Variants in DNAJC1 observed in about 807,000 individuals in gnomAD.
DNAJC1 encodes dnaJ homolog subfamily C member 1.
A neutral mutation model predicts 76.6 loss-of-function variants in DNAJC1; 58 were observed. The observed-to-expected ratio is 0.76, with a 90% CI of 0.61 to 0.94. The LOEUF (loss-of-function observed/expected upper bound fraction) is 0.94. Ranked by LOEUF, DNAJC1 falls within the 40% of genes least tolerant of loss-of-function variation. The probability of loss-of-function intolerance (pLI) is 0.00; values close to 1 mark genes in which losing one functional copy is unlikely to be tolerated. For synonymous variants in DNAJC1, 258 were observed against 267.9 expected (o/e 0.96, Z 0.36); for missense variants, 689 against 677.3 (o/e 1.02, Z -0.19).
chr10:21,852,677 C>T (rs189777104), intron 8 of DNAJC1, among the ~76,000 whole-genome samples: 1 of 151,534 alleles, frequency 6.6e-6, no homozygotes, highest in Non-Finnish European at 1.5e-5. Flanking sequence ...ATTTACCAGA[C>T]GTAAACCATA....
intron 1 of DNAJC1, among the ~76,000 whole-genome samples, chr10:21,981,545 A>G (rs1838158393): frequency 6.6e-6 from 1 of 152,168 alleles, no homozygotes; most frequent in Non-Finnish European, 1.5e-5. Flanking sequence ...CCTAACAGAT[A>G]AGCTCCACAA....
chr10:21,820,310 G>A (rs1835138459), intron 8 of DNAJC1, among the ~76,000 whole-genome samples: 1 of 152,064 alleles, frequency 6.6e-6, no homozygotes, highest in South Asian at 2.1e-4. Context: ...GCCACATTTT[G>A]TCTGTGTTAT....
At chr10:21,860,672 A>C in intron 8 of DNAJC1, 1 of 156,632 alleles carries the variant, frequency 6.4e-6, no homozygotes, top group Non-Finnish European at 1.4e-5. Flanking sequence ...CCAGCCTGGG[A>C]GACATTGTGA....
At chr10:22,002,800 A>G (rs1838542315) in intron 1 of DNAJC1, among the ~76,000 whole-genome samples, 1 of 152,004 alleles carries the variant, frequency 6.6e-6, no homozygotes, top group African/African-American at 2.4e-5. Flanking sequence ...TTAGGGTGAG[A>G]AGCGGCTGCT....
intron 9 of DNAJC1, among the ~76,000 whole-genome samples, chr10:21,784,695 A>G (rs1834582422): frequency 6.6e-6 from 1 of 152,272 alleles, no homozygotes; most frequent in African/African-American, 2.4e-5. Context: ...TGTGGCACAT[A>G]TACACAATGG....
intron 1 of DNAJC1, 78 bp downstream of exon 1, chr10:22,003,135 G>A (rs908063428): frequency 7.3e-7 from 1 of 1,379,048 alleles, no homozygotes; most frequent in African/African-American, 1.5e-5. Flanking sequence ...CTACGTGTCC[G>A]GCTGTCTCTG....
intron 8 of DNAJC1, among the ~76,000 whole-genome samples, chr10:21,828,739 C>T (rs770256787): frequency 6.6e-6 from 1 of 152,222 alleles, no homozygotes; most frequent in Admixed American, 6.5e-5. Flanking sequence ...CTTTTTGAAA[C>T]TCAGTAACAT....
chr10:21,925,205 T>C lies in DNAJC1; in HGVS notation c.371+3301A>G, dbSNP rs534129009. Among the ~76,000 whole-genome samples the C allele has an allele frequency of 9.2e-5, 14 of 152,146 alleles. No homozygotes were observed. In the Middle Eastern group the frequency reaches 0.01, roughly 111 times the overall value. Reference sequence around the variant, plus strand: ...TTTTTTATTTTTTGTAGAGATAGGGTCTAGCTATGTTGCCAGGGCTGGTCT... The same window carrying C: ...TTTTTTATTTTTTGTAGAGATAGGGCCTAGCTATGTTGCCAGGGCTGGTCT... On this transcript the variant is annotated intron_variant, in intron 3 of 11. Transcript: ENST00000376980.
In DNAJC1 at chr10:21,890,202, C is replaced by T. The variant is rs1285843745; in HGVS notation, c.821-7763G>A. On this transcript the variant is annotated intron_variant, in intron 7 of 11. Transcript: ENST00000376980. ...TGGGGGGGGGTGGATGACCTGAGGT[C>T]AGGAGTTCAAGACCAGCCTGGCCAA... Among the ~76,000 whole-genome samples the T allele has an allele frequency of 3.3e-5, 5 of 151,874 alleles. No individual in the cohort carries two copies. The East Asian group carries it at 7.8e-4, about 24-fold the overall frequency.
chr10:22,003,383 C>G lies in DNAJC1; in HGVS notation c.52G>C (p.Gly18Arg), dbSNP rs985117082. ...PAQLPGRRQL[G>R]LVPFPPPPPR... ...GGCGGCGGCGGGAACGGCACCAGCC[C>G]GAGCTGGCGGCGTCCAGGAAGCTGC... The change falls in exon 1 of 12, where the codon GGG becomes CGG. Residue 18 changes from glycine (G) to arginine (R), a missense_variant. Coordinates refer to ENST00000376980, the MANE Select transcript of DNAJC1 (RefSeq NM_022365.4). 4 of 1,386,600 alleles carry G rather than the reference C, an allele frequency of 2.9e-6. No homozygotes were observed. In the African/African-American group the frequency reaches 6.1e-5, roughly 21 times the overall value. The allele number at this position is 1,386,600 out of a possible 1,614,324, so 85.9% of individuals were successfully genotyped here.
intron 7 of DNAJC1, among the ~76,000 whole-genome samples, chr10:21,898,495 A>C (rs1251224281): frequency 6.6e-6 from 1 of 152,164 alleles, no homozygotes; most frequent in African/African-American, 2.4e-5. Context: ...CACAGTATAT[A>C]ACACTTGATT....
At chr10:21,866,385 A>G (rs1297275763) in intron 8 of DNAJC1, among the ~76,000 whole-genome samples, 3 of 151,918 alleles carry the variant, frequency 2.0e-5, no homozygotes, top group African/African-American at 7.3e-5. Context: ...ACCAAAAGAA[A>G]GCTCGATTAG....
intron 7 of DNAJC1, among the ~76,000 whole-genome samples, chr10:21,885,390 T>C (rs898808369): frequency 2.6e-5 from 4 of 152,106 alleles, no homozygotes; most frequent in African/African-American, 9.7e-5. Context: ...CATTAATAGT[T>C]GAAGACTTCA....
intron 8 of DNAJC1, among the ~76,000 whole-genome samples, chr10:21,850,373 A>G (rs1835732677): frequency 6.6e-6 from 1 of 152,168 alleles, no homozygotes; most frequent in African/African-American, 2.4e-5. Flanking sequence ...AACAGCATGA[A>G]ACAGAATAAA....
At chr10:21,791,490 C>T (rs1431527013) in intron 9 of DNAJC1, among the ~76,000 whole-genome samples, 6 of 152,216 alleles carry the variant, frequency 3.9e-5, no homozygotes, top group Admixed American at 6.5e-5. Flanking sequence ...CCACATGTTA[C>T]GCCACAAAAC....
chr10:22,003,320 G>C lies in DNAJC1; in HGVS notation c.115C>G (p.Leu39Val). 1 of 1,440,058 alleles carries C rather than the reference G, an allele frequency of 6.9e-7. No individual in the cohort carries two copies. Among genetic ancestry groups the C allele is most frequent in the Non-Finnish European group, 9.2e-7 (1 of 1,087,062 alleles). 89.2% of individuals were successfully genotyped at this position (1,440,058 alleles called of 1,614,324 possible). Residue 39 changes from leucine (L) to valine (V), a missense_variant, in exon 1 of 12, where the codon CTG becomes GTG. Coordinates refer to ENST00000376980, the MANE Select transcript of DNAJC1 (RefSeq NM_022365.4). The stretch of plus-strand genomic sequence containing the variant: ...CCGCGCGCCGGCGCCACGGCGGCCA[G>C]CAGCAGCAGCAGCAGCCACAGCAGC... ...TPLLWLLLLL[L>V]AAVAPARGWE...
At chr10:21,928,755 G>A (rs1315784204) in intron 2 of DNAJC1, among the ~76,000 whole-genome samples, 2 of 151,978 alleles carry the variant, frequency 1.3e-5, no homozygotes, top group South Asian at 2.1e-4. Context: ...ATAAATCTTT[G>A]TGACAGTTAC....
At chr10:21,912,706 G>A (rs898304496) in intron 6 of DNAJC1, among the ~76,000 whole-genome samples, 8 of 152,128 alleles carry the variant, frequency 5.3e-5, no homozygotes, top group Non-Finnish European at 1.2e-4. Context: ...ACTCTAAGTA[G>A]AAGGGCAGGC....
intron 3 of DNAJC1, among the ~76,000 whole-genome samples, chr10:21,924,488 T>C (rs1441314009): frequency 6.6e-6 from 1 of 152,124 alleles, no homozygotes; most frequent in Non-Finnish European, 1.5e-5. Flanking sequence ...AAAGTAGGTA[T>C]GTTAATATTA....
Sources: gnomAD v4.1 joint callset for allele counts (sites outside exome capture counted in the v4.1 genomes callset) on GRCh38, gnomAD v4.1.1 for gene constraint, MANE v1.5 for transcripts, NCBI Gene and HGNC (gene_info 2026-07-23, HGNC 2026-07-21) for gene names.